Variants in GFI1B observed in about 807,000 individuals in gnomAD.
The protein encoded by GFI1B is zinc finger protein Gfi-1b.
GFI1B carries 20 observed loss-of-function variants against 35.3 expected under a neutral mutation model. The ratio of observed to expected loss-of-function variants is 0.57; its 90% CI spans 0.40 to 0.82. The LOEUF is 0.82. Ranked by LOEUF, GFI1B falls within the 40% of genes least tolerant of loss-of-function variation. The pLI, the probability that GFI1B is intolerant of heterozygous loss-of-function variation, is 0.00. For synonymous variants in GFI1B, 178 were observed against 177.6 expected, an observed-to-expected ratio of 1.00 and a Z score of -0.02; for missense variants, 430 against 446.3, an observed-to-expected ratio of 0.96 and a Z score of 0.33.
chr9:132,978,043 G>A (rs1438232931), upstream of GFI1B, among the ~76,000 whole-genome samples: 5 of 152,112 alleles, frequency 3.3e-5, no homozygotes, highest in South Asian at 4.2e-4. Context: ...GGCCGGCTCG[G>A]GTACTAGGGG....
At chr9:132,983,210 T>TC (rs1848893335) in intron 1 of GFI1B, among the ~76,000 whole-genome samples, 1 of 147,906 alleles carries the variant, frequency 6.8e-6, no homozygotes. Context: ...TTTTTTTTTT[T>TC]TGAGACAGAG....
At chr9:132,962,027 TTC>T (rs1195889451) in intron 1 of GFI1B, among the ~76,000 whole-genome samples, 1 of 151,350 alleles carries the variant, frequency 6.6e-6, no homozygotes, top group Admixed American at 6.6e-5. Context: ...AATGTGTGCA[TTC>T]TTTCTTTGCT....
intron 1 of GFI1B, among the ~76,000 whole-genome samples, chr9:132,950,911 C>T (rs1313818386): frequency 6.6e-6 from 1 of 152,034 alleles, no homozygotes; most frequent in Non-Finnish European, 1.5e-5. Flanking sequence ...AAACATGGCT[C>T]ACTGCAGCCT....
Position 132,989,423 on chromosome 9 carries a change from T to C in GFI1B, c.648+225T>C, listed in dbSNP as rs138312085. Among the ~76,000 whole-genome samples the C allele has an allele frequency of 1.2e-3, 182 of 152,298 alleles. No homozygotes were observed. Among genetic ancestry groups the C allele is most frequent in the Non-Finnish European group, 2.1e-3 (145 of 68,016 alleles). ...CGTGCAGACCACAACCATCCCTGCC[T>C]CAAGGAACTCACTCTAGGTTAATGG... On this transcript the variant is annotated intron_variant, in intron 5 of 6. Transcript: ENST00000372122. This position sits in a 1 kb window ranked among gnomAD's most constrained non-coding sequence, Gnocchi z 6.2.
chr9:132,981,737 C>T lies in GFI1B; in HGVS notation c.-21+2896C>T, dbSNP rs180847951. Among the ~76,000 whole-genome samples, 4 of 152,010 alleles carry T rather than the reference C, an allele frequency of 2.6e-5. No individual in the cohort carries two copies. In the South Asian group the frequency reaches 8.3e-4, roughly 32 times the overall value. Reference sequence around the variant, plus strand: ...CATTTTCCCCCGACTCCTCCACGGACAAGTCTTGTTTTCCCCTTGAATCTT... The same window carrying T: ...CATTTTCCCCCGACTCCTCCACGGATAAGTCTTGTTTTCCCCTTGAATCTT... On this transcript the variant is annotated intron_variant, in intron 1 of 6. Transcript: ENST00000372122.
At position 132,949,528 on chromosome 9, in the gene GFI1B, T is replaced by C. The variant is rs73660566; in HGVS notation, c.-701+3859T>C. On this transcript the variant is annotated intron_variant, in intron 1 of 10. Coordinates refer to the GFI1B transcript ENST00000339463. ...TGCAGGGGGACCATTCAAACTGCTG[T>C]ACTCCAGGAGAGGCAGATCACTTAG... 3.9e-3 allele frequency among the ~76,000 whole-genome samples: 591 copies of C among 152,196 alleles called. 4 individuals are homozygous for C. The highest frequency in any genetic ancestry group is 0.013 in the African/African-American group (551 of 41,524).
intron 1 of GFI1B, among the ~76,000 whole-genome samples, chr9:132,955,228 C>G (rs554162157): frequency 1.2e-4 from 19 of 152,220 alleles, no homozygotes; most frequent in African/African-American, 4.6e-4. Flanking sequence ...ATTTTACCCT[C>G]ATTTTTTGAA....
chr9:132,986,756 C>G lies in GFI1B; in HGVS notation c.78C>G (p.Leu26=). The G allele has an allele frequency of 6.2e-7, 1 of 1,611,534 alleles. No individual in the cohort carries two copies. The highest frequency in any genetic ancestry group is 8.5e-7 in the Non-Finnish European group (1 of 1,178,550). Residue 26 remains leucine, a synonymous_variant, in exon 2 of 7, where the codon CTC becomes CTG. Coordinates refer to ENST00000372122, the MANE Select transcript of GFI1B (RefSeq NM_001377304.1). Reference sequence around the variant, plus strand: ...CCCGTGTGCAGGAAGATGAACCGCTCTGGCCTCCTGCCCTTACCCCGGGTG... The same window carrying G: ...CCCGTGTGCAGGAAGATGAACCGCTGTGGCCTCCTGCCCTTACCCCGGGTG... ...HQPRVQEDEP[L]WPPALTPVPR...
chr9:132,992,579 G>A (rs552699733), downstream of GFI1B, among the ~76,000 whole-genome samples: 128 of 152,246 alleles, frequency 8.4e-4, no homozygotes, highest in African/African-American at 3.0e-3. Flanking sequence ...CCAGCACGTA[G>A]TAAGTGCTGC....
At position 132,957,912 on chromosome 9, in the gene GFI1B, T is replaced by G. The variant is rs1046436319; in HGVS notation, c.-701+12243T>G. ...GAGTACCGAACAGTTTCCTATGGTT[T>G]TGCGTGCATATATTTACCTTCAGAA... On this transcript the variant is annotated intron_variant, in intron 1 of 10. Transcript: ENST00000339463. Among the ~76,000 whole-genome samples, 3 of 152,306 alleles carry G rather than the reference T, an allele frequency of 2.0e-5. No individual in the cohort carries two copies. In the East Asian group the frequency reaches 5.8e-4, roughly 29 times the overall value.
intron 3 of GFI1B, 129 bp downstream of exon 3, chr9:132,987,548 C>A (rs756338290): frequency 7.5e-6 from 8 of 1,067,830 alleles, no homozygotes; most frequent in Non-Finnish European, 1.1e-5. Context: ...GGATGCAGCC[C>A]GGGCTCTGTG....
At chr9:132,966,942 G>C (rs1191089243) in intron 1 of GFI1B, among the ~76,000 whole-genome samples, 2 of 152,310 alleles carry the variant, frequency 1.3e-5, no homozygotes, top group Non-Finnish European at 2.9e-5. Context: ...TGGGAATATG[G>C]GTTCCAAGAC....
At position 132,991,393 on chromosome 9, in the gene GFI1B, A is replaced by G. The variant is rs764931073; in HGVS notation, c.*343A>G. On this transcript the variant is annotated 3_prime_UTR_variant, in exon 7 of 7. Coordinates refer to ENST00000372122, the MANE Select transcript of GFI1B (RefSeq NM_001377304.1). Reference sequence around the variant, plus strand: ...AGTAGACCAGAGCTGGGACCCACAGACAGAACCTCCACCTGCCTGCTGCCC... The same window carrying G: ...AGTAGACCAGAGCTGGGACCCACAGGCAGAACCTCCACCTGCCTGCTGCCC... 7 of 328,214 alleles carry G rather than the reference A, an allele frequency of 2.1e-5. No individual in the cohort carries two copies. Among genetic ancestry groups the G allele is most frequent in the Admixed American group, 4.4e-5 (1 of 22,706 alleles). 20.3% of individuals were successfully genotyped at this position (328,214 alleles called of 1,614,324 possible).
In GFI1B at chr9:132,968,796, T is replaced by A. The variant is rs183055335; in HGVS notation, c.-700-3929T>A. 6.9e-4 allele frequency among the ~76,000 whole-genome samples: 105 copies of A among 152,290 alleles called. 1 individual carries two copies. The highest frequency in any genetic ancestry group is 7.7e-4 in the East Asian group (4 of 5,182). The stretch of plus-strand genomic sequence containing the variant: ...GGTTTTGTGGTTTTTATCAATTAAT[T>A]GTTATAAAGTACACAGAACATACAA... On this transcript the variant is annotated intron_variant, in intron 1 of 10. Transcript: ENST00000339463.
chr9:132,979,087 G>A (rs1023560230), intron 1 of GFI1B, among the ~76,000 whole-genome samples: 4 of 152,102 alleles, frequency 2.6e-5, no homozygotes, highest in Non-Finnish European at 4.4e-5. Flanking sequence ...TTGATTTTAG[G>A]CTGACAGACG....
intron 1 of GFI1B, among the ~76,000 whole-genome samples, chr9:132,968,019 T>A (rs1437117340): frequency 6.6e-6 from 1 of 152,178 alleles, no homozygotes; most frequent in Non-Finnish European, 1.5e-5. Flanking sequence ...TGATCTCAAA[T>A]GATCCACCTG....
intron 1 of GFI1B, among the ~76,000 whole-genome samples, chr9:132,957,571 C>T (rs992248582): frequency 1.3e-5 from 2 of 152,068 alleles, no homozygotes; most frequent in Non-Finnish European, 2.9e-5. Context: ...CTTATGAAGA[C>T]CAGGATGGGA....
At chr9:132,945,787 G>A (rs1260940661) in intron 1 of GFI1B, 1 of 153,948 alleles carries the variant, frequency 6.5e-6, no homozygotes, top group African/African-American at 2.4e-5. Context: ...ACCAGGCGAG[G>A]CGGCTCGGGA....
In GFI1B at chr9:132,955,790, ATG is replaced by A. The variant is rs907980157; in HGVS notation, c.-701+10136_-701+10137del. ...TCTCCAGAGAAGCAGAACCAACGTG[ATG>A]TGTGTGTGTGTGTGCATGTGTGTGT... On this transcript the variant is annotated intron_variant, in intron 1 of 10. Transcript: ENST00000339463. Among the ~76,000 whole-genome samples, 536 of 141,646 alleles carry A rather than the reference ATG, an allele frequency of 3.8e-3. 2 individuals carry two copies. Among genetic ancestry groups the A allele is most frequent in the African/African-American group, 0.012 (456 of 38,754 alleles). The allele number at this position is 141,646 out of a possible 152,430, so 92.9% of individuals were successfully genotyped here. A position where few individuals can be genotyped will look rare whatever the true frequency, so the allele number is the denominator to read the frequency against.
Sources: allele counts gnomAD v4.1 joint callset (sites outside exome capture counted in the v4.1 genomes callset), GRCh38; gene constraint gnomAD v4.1.1; non-coding constraint Gnocchi (gnomAD v3.1); transcripts MANE v1.5; gene names NCBI Gene and HGNC (gene_info 2026-07-23, HGNC 2026-07-21).